GPBP1L1: variants seen among roughly 807,000 people sequenced by gnomAD.
GPBP1L1 encodes vasculin-like protein 1.
In GPBP1L1, 23 loss-of-function variants were observed where a neutral mutation model predicts 52.5. That is an observed-to-expected ratio of 0.44 (90% CI 0.32 to 0.62). The LOEUF is 0.62. Ranked by LOEUF, GPBP1L1 falls within the 20% of genes least tolerant of loss-of-function variation. The pLI is 0.06. For missense variants in GPBP1L1, 596 were observed against 579.3 expected, an observed-to-expected ratio of 1.03 and a Z score of -0.30; for synonymous variants, 243 against 203.1, an observed-to-expected ratio of 1.20 and a Z score of -1.67.
intron 2 of GPBP1L1, among the ~76,000 whole-genome samples, chr1:45,677,330 A>G (rs1284746551): frequency 6.9e-6 from 1 of 145,878 alleles, no homozygotes; most frequent in East Asian, 2.0e-4. Flanking sequence ...ACAGAGGAAG[A>G]TTCGTCTCAG....
chr1:45,641,529 T>A (rs1644673192), intron 7 of GPBP1L1: 2 of 152,140 alleles, frequency 1.3e-5, no homozygotes, highest in Admixed American at 1.3e-4. Context: ...TAAGAATATA[T>A]TGTTATGGGC....
chr1:45,667,980 C>A (rs1387894756), intron 2 of GPBP1L1, among the ~76,000 whole-genome samples: 3 of 152,174 alleles, frequency 2.0e-5, no homozygotes, highest in African/African-American at 7.2e-5. Flanking sequence ...CTCAAGTGAT[C>A]CACTTGCCTT....
intron 6 of GPBP1L1, among the ~76,000 whole-genome samples, chr1:45,643,411 T>A (rs1052536119): frequency 6.6e-6 from 1 of 152,148 alleles, no homozygotes; most frequent in African/African-American, 2.4e-5. Context: ...TATCTAATTA[T>A]CAACTTACAA....
intron 6 of GPBP1L1, chr1:45,645,829 C>A: frequency 2.2e-6 from 1 of 464,844 alleles, no homozygotes; most frequent in South Asian, 1.6e-5. Flanking sequence ...GAAACAAAAT[C>A]CAAGGATTTT....
rs1236911546 is a variant in GPBP1L1 at position 45,628,146 on chromosome 1, G to A, written c.*110C>T. 4.5e-5 allele frequency: 46 copies of A among 1,030,192 alleles called. No individual in the cohort carries two copies. The highest frequency in any genetic ancestry group is 6.5e-5 in the Non-Finnish European group (45 of 694,396). The allele number at this position is 1,030,192 out of a possible 1,614,324, so 63.8% of individuals were successfully genotyped here. A position where few individuals can be genotyped will look rare whatever the true frequency, so the allele number is the denominator to read the frequency against. The stretch of plus-strand genomic sequence containing the variant: ...TCTTTGGGATATGATTATTTCCCTT[G>A]TGAATGAAGTATTCAACAACATAAG... On this transcript the variant is annotated 3_prime_UTR_variant, in exon 13 of 13. Transcript: ENST00000355105.
chr1:45,633,828 G>A, intron 9 of GPBP1L1, 181 bp from the exon 10 acceptor site: 1 of 693,796 alleles, frequency 1.4e-6, no homozygotes. Context: ...GTTAAGAGCA[G>A]CTGGCTTACA....
chr1:45,652,050 C>CA (rs1644825533), intron 6 of GPBP1L1, among the ~76,000 whole-genome samples: 1 of 152,232 alleles, frequency 6.6e-6, no homozygotes, highest in African/African-American at 2.4e-5. Context: ...AGCCATGACA[C>CA]TACTAACATT....
At chr1:45,629,711 A>G in intron 11 of GPBP1L1, 33 bp from the exon 12 acceptor site, 1 of 1,353,022 alleles carries the variant, frequency 7.4e-7, no homozygotes, top group Non-Finnish European at 1.1e-6. Context: ...TAAAGAGAAT[A>G]CAACATCACT....
chr1:45,630,691 C>T (rs551361636), intron 10 of GPBP1L1, 85 bp from the exon 11 acceptor site: 3 of 1,466,800 alleles, frequency 2.0e-6, no homozygotes, highest in South Asian at 1.3e-5. Context: ...GGACTCACGA[C>T]CCAGGAAGTG....
chr1:45,647,803 C>A (rs1189544356), intron 6 of GPBP1L1, among the ~76,000 whole-genome samples: 1 of 152,210 alleles, frequency 6.6e-6, no homozygotes, highest in Non-Finnish European at 1.5e-5. Context: ...TGAGCCACAA[C>A]TGAGCCCTTT....
intron 6 of GPBP1L1, among the ~76,000 whole-genome samples, chr1:45,652,760 C>T (rs1246683392): frequency 1.3e-5 from 2 of 151,958 alleles, no homozygotes; most frequent in East Asian, 1.9e-4. Context: ...CTTCCACCTC[C>T]GCCTCCCAAG....
At chr1:45,675,061 G>A (rs1036958912) in intron 2 of GPBP1L1, among the ~76,000 whole-genome samples, 3 of 152,082 alleles carry the variant, frequency 2.0e-5, no homozygotes, top group South Asian at 2.1e-4. Flanking sequence ...TTCATTGGGA[G>A]GCCGAGGTGG....
chr1:45,654,920 TAA>T (rs2148471101), intron 5 of GPBP1L1, 91 bp from the exon 6 acceptor site: 1 of 1,275,392 alleles, frequency 7.8e-7, no homozygotes, highest in Admixed American at 2.8e-5. Flanking sequence ...ACCTCGTTAA[TAA>T]AAAGTCCACA....
At chr1:45,635,692 TTTG>T (rs1271852829) in intron 8 of GPBP1L1, 1 of 152,210 alleles carries the variant, frequency 6.6e-6, no homozygotes, top group East Asian at 1.9e-4. Context: ...ACCAGTTTTT[TTTG>T]TTGTTGTTTT....
intron 7 of GPBP1L1, among the ~76,000 whole-genome samples, chr1:45,641,461 A>AAC (rs143580004): frequency 0.022 from 3,220 of 146,808 alleles, 62 homozygotes; most frequent in East Asian, 0.048. Context: ...CATACACATA[A>AAC]ACACACACAC....
chr1:45,647,925 A>G (rs143465791), intron 6 of GPBP1L1, among the ~76,000 whole-genome samples: 6 of 152,064 alleles, frequency 3.9e-5, no homozygotes, highest in Non-Finnish European at 7.4e-5. Flanking sequence ...ATGTATGCAT[A>G]TATGTCTGTG....
chr1:45,650,440 A>G (rs766155749), intron 6 of GPBP1L1, among the ~76,000 whole-genome samples: 56 of 152,220 alleles, frequency 3.7e-4, no homozygotes, highest in Non-Finnish European at 7.1e-4. Flanking sequence ...AGCAAAAAAC[A>G]AAAACCTATC....
At chr1:45,657,790 C>G (rs1299889066) in intron 4 of GPBP1L1, among the ~76,000 whole-genome samples, 1 of 152,114 alleles carries the variant, frequency 6.6e-6, no homozygotes. Flanking sequence ...GAGTTCAAGG[C>G]TGTAATGAAT....
At chr1:45,642,799 T>A (rs957080561) in intron 6 of GPBP1L1, among the ~76,000 whole-genome samples, 2 of 152,244 alleles carry the variant, frequency 1.3e-5, no homozygotes, top group Non-Finnish European at 2.9e-5. Flanking sequence ...AGGATATGTA[T>A]GCCAAATAAG....
Sources: allele counts gnomAD v4.1 joint callset (sites outside exome capture counted in the v4.1 genomes callset), GRCh38; gene constraint gnomAD v4.1.1; transcripts MANE v1.5; gene names NCBI Gene and HGNC (gene_info 2026-07-23, HGNC 2026-07-21).